Variants in GSG1L observed in about 807,000 individuals in gnomAD.
The protein encoded by GSG1L is GSG1 like.
In GSG1L, 24 loss-of-function variants were observed where a neutral mutation model predicts 42.1. The ratio of observed to expected loss-of-function variants is 0.57; its 90% CI spans 0.41 to 0.80. The LOEUF (loss-of-function observed/expected upper bound fraction) is 0.80, where lower values mean the gene tolerates loss of function less well. GSG1L is among the 30% of genes least tolerant of loss of function. The pLI is 0.00. For synonymous variants in GSG1L, 215 were observed against 203.5 expected (o/e 1.06, Z -0.48); for missense variants, 445 against 472.2 (o/e 0.94, Z 0.53).
At chr16:28,007,482 G>A (rs1377672976) in intron 1 of GSG1L, among the ~76,000 whole-genome samples, 1 of 86,870 alleles carries the variant, frequency 1.2e-5, no homozygotes, top group Non-Finnish European at 2.2e-5. Flanking sequence ...GTGTGTGGTT[G>A]GTTGGTTGGT....
intron 2 of GSG1L, among the ~76,000 whole-genome samples, chr16:27,962,104 C>T (rs2085078978): frequency 6.6e-6 from 1 of 152,160 alleles, no homozygotes; most frequent in South Asian, 2.1e-4. Flanking sequence ...TCCTGGGTGG[C>T]AGAGGGTAGG....
At chr16:27,823,976 G>A in intron 5 of GSG1L, 1 of 702,420 alleles carries the variant, frequency 1.4e-6, no homozygotes, top group Non-Finnish European at 2.6e-6. Context: ...AATTAACTGA[G>A]TCACATCTGA....
chr16:27,796,698 G>T (rs550717674), intron 6 of GSG1L, among the ~76,000 whole-genome samples: 38 of 152,292 alleles, frequency 2.5e-4, no homozygotes, highest in African/African-American at 8.7e-4. Flanking sequence ...AGATTGAATG[G>T]GGGCCATCTA....
At chr16:27,804,147 A>C (rs2144422779) in intron 6 of GSG1L, among the ~76,000 whole-genome samples, 1 of 152,102 alleles carries the variant, frequency 6.6e-6, no homozygotes, top group Non-Finnish European at 1.5e-5. Context: ...CCCTGCTTAA[A>C]ATGCCCCGGG....
At chr16:27,834,731 C>T (rs953025254) in intron 4 of GSG1L, among the ~76,000 whole-genome samples, 1 of 152,004 alleles carries the variant, frequency 6.6e-6, no homozygotes, top group Non-Finnish European at 1.5e-5. Context: ...TATGATCTTA[C>T]TGTATTTTTG....
At chr16:27,951,247 G>C (rs1260640464) in intron 2 of GSG1L, among the ~76,000 whole-genome samples, 2 of 152,186 alleles carry the variant, frequency 1.3e-5, no homozygotes, top group African/African-American at 2.4e-5. Context: ...CTCCACGATG[G>C]AGCAGGGCCA....
intron 2 of GSG1L, among the ~76,000 whole-genome samples, chr16:27,900,695 T>C (rs554289412): frequency 4.6e-5 from 7 of 152,322 alleles, no homozygotes; most frequent in African/African-American, 1.7e-4. Context: ...TTCCAGGACA[T>C]GGACCCTTTG....
At chr16:27,831,203 T>A (rs2083271472) in intron 4 of GSG1L, among the ~76,000 whole-genome samples, 1 of 152,150 alleles carries the variant, frequency 6.6e-6, no homozygotes, top group African/African-American at 2.4e-5. Context: ...GGGGACCCTC[T>A]TGCCACCACC....
At chr16:27,893,608 G>A (rs547005540) in intron 2 of GSG1L, among the ~76,000 whole-genome samples, 6 of 152,192 alleles carry the variant, frequency 3.9e-5, no homozygotes, top group African/African-American at 1.2e-4. Flanking sequence ...TTAGAGACAA[G>A]GTCTCAGTCT....
chr16:27,907,035 A>G (rs186555258), intron 2 of GSG1L, among the ~76,000 whole-genome samples: 80 of 152,342 alleles, frequency 5.3e-4, no homozygotes, highest in Admixed American at 4.9e-3. Context: ...GCTCCCAGCT[A>G]CAGGGCTAGT....
At chr16:27,877,776 A>C (rs1448081094) in intron 3 of GSG1L, among the ~76,000 whole-genome samples, 1 of 152,106 alleles carries the variant, frequency 6.6e-6, no homozygotes, top group Admixed American at 6.5e-5. Context: ...CCCCAGCCTC[A>C]TTTTGAGAGT....
intron 2 of GSG1L, among the ~76,000 whole-genome samples, chr16:27,900,822 T>TA (rs58590954): frequency 0.067 from 9,846 of 147,230 alleles, 353 homozygotes; most frequent in Non-Finnish European, 0.088. Context: ...ATCAAAACAT[T>TA]AAAAAAAAAA....
intron 2 of GSG1L, among the ~76,000 whole-genome samples, chr16:27,931,073 A>G (rs1013065481): frequency 6.6e-6 from 1 of 152,126 alleles, no homozygotes; most frequent in African/African-American, 2.4e-5. Context: ...TGAGCTGCAG[A>G]GCAACTTGAG....
intron 2 of GSG1L, among the ~76,000 whole-genome samples, chr16:27,888,458 TTCTTTCTCTC>T (rs1452720860): frequency 0.17 from 7,614 of 45,514 alleles, 859 homozygotes; most frequent in Middle Eastern, 0.29. Context: ...CTTTCTTTCT[TTCTTTCTCTC>T]TCTCTCTCTC....
intron 1 of GSG1L, among the ~76,000 whole-genome samples, chr16:27,976,712 C>G (rs1326919245): frequency 6.6e-6 from 1 of 152,208 alleles, no homozygotes; most frequent in Non-Finnish European, 1.5e-5. Context: ...CGTCTGCATT[C>G]TCAGCCTTTT....
At chr16:27,965,594 T>G (rs2085122799) in intron 1 of GSG1L, among the ~76,000 whole-genome samples, 1 of 152,174 alleles carries the variant, frequency 6.6e-6, no homozygotes, top group Non-Finnish European at 1.5e-5. Context: ...AGGGACCAAG[T>G]CTTCACTGCA....
chr16:27,888,448 CTT>C (rs1567505663), intron 2 of GSG1L, among the ~76,000 whole-genome samples: 702 of 24,374 alleles, frequency 0.029, 35 homozygotes, highest in South Asian at 0.059. Flanking sequence ...TTCTTTCTTT[CTT>C]TCTTTCTTTC....
chr16:27,822,050 T>C (rs1028669627), intron 5 of GSG1L, among the ~76,000 whole-genome samples: 1 of 151,972 alleles, frequency 6.6e-6, no homozygotes, highest in Non-Finnish European at 1.5e-5. Flanking sequence ...GTGTATCTTA[T>C]TTGCCCTGCA....
intron 2 of GSG1L, among the ~76,000 whole-genome samples, chr16:27,897,226 T>C (rs1347006005): frequency 6.6e-6 from 1 of 152,212 alleles, no homozygotes; most frequent in African/African-American, 2.4e-5. Context: ...TAAATCCATA[T>C]TGTTTCAAGG....
Sources: allele counts gnomAD v4.1 joint callset (sites outside exome capture counted in the v4.1 genomes callset), GRCh38; gene constraint gnomAD v4.1.1; transcripts MANE v1.5; gene names NCBI Gene and HGNC (gene_info 2026-07-23, HGNC 2026-07-21).